The following ENTPD3 variants were observed in gnomAD, a reference collection of about 807,000 sequenced individuals.
ENTPD3 encodes ectonucleoside triphosphate diphosphohydrolase 3.
A neutral mutation model predicts 51.2 loss-of-function variants in ENTPD3; 60 were observed. That is an observed-to-expected ratio of 1.17 (90% confidence interval 0.95 to 1.45). ENTPD3 has a LOEUF of 1.45. Among genes scored for constraint, ENTPD3 ranks in the 40% most tolerant of loss-of-function variants. The probability of loss-of-function intolerance (pLI) is 0.00; values close to 1 mark genes in which losing one functional copy is unlikely to be tolerated. For missense variants in ENTPD3, 593 were observed against 641.1 expected, an observed-to-expected ratio of 0.93 and a Z score of 0.81; for synonymous variants, 221 against 238.4, an observed-to-expected ratio of 0.93 and a Z score of 0.67.
chr3:40,392,593 T>A (rs9880286), intron 3 of ENTPD3: 9,798 of 150,084 alleles, frequency 0.065, 727 homozygotes, highest in African/African-American at 0.2. Context: ...AAAAAAAAAA[T>A]TTACCGGTTA....
At chr3:40,422,745 T>G in intron 7 of ENTPD3, 105 bp from the exon 8 acceptor site, 2 of 952,390 alleles carry the variant, frequency 2.1e-6, no homozygotes, top group Non-Finnish European at 1.5e-6. Context: ...ATTTTCTTAA[T>G]CCAGTCTATC....
intron 5 of ENTPD3, among the ~76,000 whole-genome samples, chr3:40,413,558 CAAACA>C (rs896621131): frequency 6.6e-5 from 10 of 152,058 alleles, no homozygotes; most frequent in African/African-American, 1.9e-4. Context: ...AACAAACAAA[CAAACA>C]AAACAGCTCT....
At chr3:40,390,188 A>G (rs1006243162) in intron 2 of ENTPD3, among the ~76,000 whole-genome samples, 1 of 152,148 alleles carries the variant, frequency 6.6e-6, no homozygotes, top group African/African-American at 2.4e-5. Context: ...TGATGTCCCA[A>G]TAGTTTTACC....
intron 3 of ENTPD3, 133 bp from the exon 4 acceptor site, chr3:40,400,761 T>G: frequency 1.6e-6 from 1 of 639,688 alleles, no homozygotes; most frequent in Non-Finnish European, 2.8e-6. Context: ...GAAAATAATT[T>G]TTCTTATTGA....
chr3:40,399,216 G>C (rs1955283540), intron 3 of ENTPD3, among the ~76,000 whole-genome samples: 2 of 152,234 alleles, frequency 1.3e-5, no homozygotes, highest in South Asian at 4.1e-4. Flanking sequence ...TATATATCCA[G>C]ATACATATAT....
At chr3:40,397,695 A>T (rs1247990500) in intron 3 of ENTPD3, among the ~76,000 whole-genome samples, 2 of 152,224 alleles carry the variant, frequency 1.3e-5, no homozygotes, top group Non-Finnish European at 2.9e-5. Flanking sequence ...CTTTAGACAG[A>T]TCACACAATC....
intron 4 of ENTPD3, among the ~76,000 whole-genome samples, chr3:40,409,176 T>C (rs1413274553): frequency 3.9e-5 from 6 of 151,912 alleles, no homozygotes; most frequent in African/African-American, 1.5e-4. Context: ...CACTTGAACC[T>C]GGGAGGCGGA....
chr3:40,407,082 C>A (rs1385653476), intron 4 of ENTPD3, among the ~76,000 whole-genome samples: 1 of 152,060 alleles, frequency 6.6e-6, no homozygotes, highest in Non-Finnish European at 1.5e-5. Flanking sequence ...ATCACAACAC[C>A]ATTTACTGAG....
Position 40,422,876 on chromosome 3 carries a change from C to T in ENTPD3, c.858C>T (p.Thr286=), listed in dbSNP as rs896645873. 8 of 1,613,110 alleles carry T rather than the reference C, an allele frequency of 5.0e-6. No individual in the cohort carries two copies. Among genetic ancestry groups the T allele is most frequent in the Non-Finnish European group, 6.8e-6 (8 of 1,179,882 alleles). Residue 286 remains threonine (T), a synonymous_variant, in exon 8 of 11, where the codon ACC becomes ACT. Transcript: ENST00000301825. ...LQNSPTKNHL[T]NPCYPRDYSI... is the part of the protein sequence containing the mutation. ...ATTCTCCTACCAAAAACCATCTCAC[C>T]AATCCCTGTTACCCTCGGGATTATA...
At chr3:40,396,234 C>T (rs895852976) in intron 3 of ENTPD3, among the ~76,000 whole-genome samples, 5 of 152,158 alleles carry the variant, frequency 3.3e-5, no homozygotes, top group East Asian at 1.9e-4. Context: ...GAACCAGAAA[C>T]GGAATGACAG....
At chr3:40,412,650 T>C (rs938337420) in intron 5 of ENTPD3, among the ~76,000 whole-genome samples, 55 of 152,326 alleles carry the variant, frequency 3.6e-4, no homozygotes, top group East Asian at 2.5e-3. Context: ...AATAAGGTTT[T>C]ATCACAAGAA....
intron 3 of ENTPD3, among the ~76,000 whole-genome samples, chr3:40,398,730 A>C (rs138339725): frequency 2.4e-4 from 36 of 152,326 alleles, no homozygotes; most frequent in African/African-American, 7.9e-4. Flanking sequence ...CTTTTTAAAA[A>C]TATGGTCCCA....
At chr3:40,397,894 A>G (rs987040336) in intron 3 of ENTPD3, among the ~76,000 whole-genome samples, 1 of 152,186 alleles carries the variant, frequency 6.6e-6, no homozygotes, top group Non-Finnish European at 1.5e-5. Context: ...ACTGCATTAG[A>G]CAGAGGATTA....
At chr3:40,402,437 G>A (rs899421221) in intron 4 of ENTPD3, among the ~76,000 whole-genome samples, 2 of 151,504 alleles carry the variant, frequency 1.3e-5, no homozygotes, top group East Asian at 3.9e-4. Context: ...CCTTGTTGAT[G>A]GGCATTTGTA....
chr3:40,421,912 C>T lies in ENTPD3; in HGVS notation c.832-938C>T, dbSNP rs537754285. Among the ~76,000 whole-genome samples the T allele has an allele frequency of 1.3e-4, 20 of 152,270 alleles. No homozygotes were observed. In the East Asian group the frequency reaches 1.4e-3, roughly 10 times the overall value. ...TTGTTTCCAGAAAAAGGCCTGATGG[C>T]TGCAAGTGGATGAGAAGGAGACTTC... On this transcript the variant is annotated intron_variant, in intron 7 of 10. Transcript: ENST00000301825.
At chr3:40,398,345 C>T (rs9863737) in intron 3 of ENTPD3, among the ~76,000 whole-genome samples, 39,315 of 152,148 alleles carry the variant, frequency 0.26, 5,994 homozygotes, top group East Asian at 0.51. Context: ...CTCCTATTCT[C>T]TCTCTCCTCT....
At chr3:40,421,468 C>G (rs988327614) in intron 7 of ENTPD3, among the ~76,000 whole-genome samples, 2 of 152,006 alleles carry the variant, frequency 1.3e-5, no homozygotes, top group Non-Finnish European at 2.9e-5. Context: ...GTATTTTGCA[C>G]CAGTAGATTA....
At chr3:40,415,547 T>C (rs7648952) in intron 6 of ENTPD3, among the ~76,000 whole-genome samples, 64,342 of 152,102 alleles carry the variant, frequency 0.42, 14,956 homozygotes, top group African/African-American at 0.62. Flanking sequence ...CTCACATTCC[T>C]GCACGGTAAC....
In ENTPD3 at chr3:40,387,952, G is replaced by A. The variant is rs1421364982; in HGVS notation, c.-12-94G>A. On this transcript the variant is annotated intron_variant, in intron 1 of 10. Transcript: ENST00000301825. ...GGGATGAGGTTTTGATTTGGAGGAA[G>A]TAAAATGGGTTTTGTCTTAACCTGG... is the stretch of plus-strand genomic sequence containing the variant. 3.9e-6 allele frequency: 4 copies of A among 1,013,474 alleles called. No homozygotes were observed. In the African/African-American group the frequency reaches 6.3e-5, roughly 16 times the overall value. The allele number at this position is 1,013,474 out of a possible 1,614,324, so 62.8% of individuals were successfully genotyped here.
Sources: allele counts gnomAD v4.1 joint callset (sites outside exome capture counted in the v4.1 genomes callset), GRCh38; gene constraint gnomAD v4.1.1; transcripts MANE v1.5; gene names NCBI Gene and HGNC (gene_info 2026-07-23, HGNC 2026-07-21).